COLEC11: variants seen among roughly 807,000 people sequenced by gnomAD.
COLEC11 encodes the protein collectin subfamily member 11, also known as collectin-11.
Under a neutral mutation model 27.3 loss-of-function variants are expected in COLEC11, and 20 were observed. That is an observed-to-expected ratio of 0.73 (90% CI 0.51 to 1.06). The LOEUF (loss-of-function observed/expected upper bound fraction) is 1.06. COLEC11 is among the 50% of genes least tolerant of loss of function. COLEC11 has a pLI of 0.00. For synonymous variants in COLEC11, 163 were observed against 154.7 expected (o/e 1.05, Z -0.40); for missense variants, 310 against 383.0 (o/e 0.81, Z 1.59).
intron 3 of COLEC11, among the ~76,000 whole-genome samples, chr2:3,629,443 A>G (rs1328055982): frequency 6.6e-6 from 1 of 152,188 alleles, no homozygotes; most frequent in African/African-American, 2.4e-5. Context: ...GACCAACTGT[A>G]CAAGCTTGAG....
intron 3 of COLEC11, among the ~76,000 whole-genome samples, chr2:3,613,745 C>A (rs1182789485): frequency 6.6e-6 from 1 of 152,148 alleles, no homozygotes; most frequent in Non-Finnish European, 1.5e-5. Context: ...ACAGATAGGA[C>A]CCTCATCACT....
chr2:3,611,067 T>C (rs1034924099), intron 2 of COLEC11, among the ~76,000 whole-genome samples: 24 of 152,244 alleles, frequency 1.6e-4, no homozygotes, highest in African/African-American at 5.5e-4. Flanking sequence ...TGGCTTTCCT[T>C]AGCACTGGGA....
At chr2:3,628,225 G>A (rs1664698460) in intron 3 of COLEC11, among the ~76,000 whole-genome samples, 1 of 128,728 alleles carries the variant, frequency 7.8e-6, no homozygotes, top group African/African-American at 2.5e-5. Flanking sequence ...CCCCCCATCT[G>A]TGTCATCCTC....
intron 2 of COLEC11, chr2:3,606,170 G>C (rs1378726352): frequency 1.3e-6 from 2 of 1,550,444 alleles, no homozygotes; most frequent in African/African-American, 2.7e-5. Context: ...ACTTTTGGCT[G>C]TGGAGGTCAC....
intron 3 of COLEC11, among the ~76,000 whole-genome samples, chr2:3,630,020 T>G (rs1380790125): frequency 6.6e-6 from 1 of 151,908 alleles, no homozygotes; most frequent in Non-Finnish European, 1.5e-5. Context: ...TGCATATGTG[T>G]ATGTATGTGT....
rs189672385 is a variant in COLEC11, at chr2:3,618,747, A to T, written c.202+5365A>T. 1.3e-3 allele frequency among the ~76,000 whole-genome samples: 192 copies of T among 152,330 alleles called. 1 individual carries two copies. Among genetic ancestry groups the T allele is most frequent in the African/African-American group, 4.4e-3 (181 of 41,562 alleles). On this transcript the variant is annotated intron_variant, in intron 3 of 6. Transcript: ENST00000349077. ...CCTTTGGAATTTTGATAGAGATTGC[A>T]CTGAATCTGTAGATTGCATTGGGTA...
intron 2 of COLEC11, chr2:3,605,930 T>C (rs2147860705): frequency 2.4e-6 from 2 of 818,198 alleles, no homozygotes; most frequent in Non-Finnish European, 3.7e-6. Context: ...CCAAGTGGAC[T>C]GTCCTGCAGC....
At chr2:3,629,964 G>C (rs1664856157) in intron 3 of COLEC11, among the ~76,000 whole-genome samples, 1 of 152,186 alleles carries the variant, frequency 6.6e-6, no homozygotes, top group Non-Finnish European at 1.5e-5. Flanking sequence ...TACATGCTAT[G>C]TGTGGTTGTA....
In COLEC11 at chr2:3,643,883, C is replaced by T. The variant is rs139848694; in HGVS notation, c.581C>T (p.Ala194Val). The change falls in exon 7 of 7, where the codon GCG (alanine) becomes GTG (valine). Residue 194 changes from alanine to valine, a missense_variant. Physicochemically the swap from Ala to Val is moderately conservative, Grantham distance 64. Transcript: ENST00000349077. ...AANGLMAAYL[A>V]QAGLARVFIG... is the part of the protein sequence containing the mutation. ...AATGGCCTGATGGCCGCATACCTGG[C>T]GCAAGCCGGCCTGGCCCGTGTCTTC... 2.2e-4 allele frequency: 362 copies of T among 1,613,644 alleles called. No homozygotes were observed. Among genetic ancestry groups the T allele is most frequent in the Admixed American group, 3.2e-4 (19 of 60,006 alleles).
chr2:3,626,078 A>G, intron 3 of COLEC11: 3 of 1,614,010 alleles, frequency 1.9e-6, no homozygotes, highest in Non-Finnish European at 2.5e-6. Context: ...TCCTTTGTAG[A>G]AATGGGATCA....
intron 3 of COLEC11, chr2:3,617,761 G>A (rs1300673291): frequency 1.7e-5 from 19 of 1,108,442 alleles, no homozygotes; most frequent in East Asian, 7.1e-5. Context: ...CTGAGTTGTC[G>A]CTTTTGATTT....
intron 2 of COLEC11, chr2:3,606,132 G>A: frequency 1.3e-6 from 2 of 1,550,598 alleles, no homozygotes; most frequent in Non-Finnish European, 1.7e-6. Flanking sequence ...TCAGCTTTAG[G>A]TTGGAAACGG....
At chr2:3,642,634 G>A (rs774052164) in intron 5 of COLEC11, among the ~76,000 whole-genome samples, 9 of 152,234 alleles carry the variant, frequency 5.9e-5, no homozygotes, top group Non-Finnish European at 1.3e-4. Flanking sequence ...CAGCTCCCCA[G>A]AGTTCTGTAC....
chr2:3,601,630 G>C (rs1468739415), intron 1 of COLEC11, among the ~76,000 whole-genome samples: 1 of 152,156 alleles, frequency 6.6e-6, no homozygotes, highest in Non-Finnish European at 1.5e-5. Flanking sequence ...GCCATTCTTG[G>C]ACATCCGGGA....
intron 3 of COLEC11, among the ~76,000 whole-genome samples, chr2:3,625,625 CTT>C (rs60222284): frequency 1.7e-4 from 16 of 91,454 alleles, no homozygotes; most frequent in East Asian, 7.3e-4. Context: ...TTCTTTTTTA[CTT>C]TTTTTTTTTT....
rs778792218 is a variant in COLEC11 at position 3,604,455 on chromosome 2, G to A, written c.115G>A (p.Val39Ile). Reference sequence around the variant, plus strand: ...TGACGCCTGCTCTGTGCAGATCCTCGTCCCTGGCCTCAAAGGTAACCGCTC... The same window carrying A: ...TGACGCCTGCTCTGTGCAGATCCTCATCCCTGGCCTCAAAGGTAACCGCTC... The part of the protein sequence containing the change: ...GDDACSVQIL[V>I]PGLKGDAGEK... The change falls in exon 2 of 7, where the codon GTC (valine) becomes ATC (isoleucine). Residue 39 changes from valine to isoleucine, a missense_variant. Val to Ile is a conservative substitution (Grantham distance 29, BLOSUM62 3). Transcript: ENST00000349077. The A allele has an allele frequency of 1.0e-4, 163 of 1,614,078 alleles. No homozygotes were observed. Among genetic ancestry groups the A allele is most frequent in the South Asian group, 4.5e-4 (41 of 91,080 alleles).
rs1323546263 is a variant in COLEC11 at position 3,600,751 on chromosome 2, G to C, written c.-26-3564G>C. Reference sequence around the variant, plus strand: ...GGTTAGACCTCGTCATTGTGTAGTTGTATACACACATTAACTCCTAATGAA... The same window carrying C: ...GGTTAGACCTCGTCATTGTGTAGTTCTATACACACATTAACTCCTAATGAA... On this transcript the variant is annotated intron_variant, in intron 1 of 6. Coordinates refer to ENST00000349077, the MANE Select transcript of COLEC11 (RefSeq NM_024027.5). Among the ~76,000 whole-genome samples, 3 of 152,282 alleles carry C rather than the reference G, an allele frequency of 2.0e-5. No homozygotes were observed. In the East Asian group the frequency reaches 5.8e-4, roughly 29 times the overall value.
intron 3 of COLEC11, among the ~76,000 whole-genome samples, chr2:3,633,171 C>T (rs148294956): frequency 6.6e-6 from 1 of 152,156 alleles, no homozygotes; most frequent in Admixed American, 6.5e-5. Context: ...CGAGGCCAGG[C>T]CCCCAGGCTG....
At chr2:3,603,235 C>T (rs999771314) in intron 1 of COLEC11, among the ~76,000 whole-genome samples, 1 of 152,208 alleles carries the variant, frequency 6.6e-6, no homozygotes, top group Non-Finnish European at 1.5e-5. Flanking sequence ...CCCTCCTGTC[C>T]CTTTCCCTCT....
Sources: gnomAD v4.1 joint callset for allele counts (sites outside exome capture counted in the v4.1 genomes callset) on GRCh38, gnomAD v4.1.1 for gene constraint, MANE v1.5 for transcripts, NCBI Gene and HGNC (gene_info 2026-07-23, HGNC 2026-07-21) for gene names.